PIK3C2G: variants seen among roughly 807,000 people sequenced by gnomAD.
PIK3C2G encodes phosphatidylinositol 3-kinase C2 domain-containing subunit gamma.
PIK3C2G carries 168 observed loss-of-function variants against 181.1 expected under a neutral mutation model. The ratio of observed to expected loss-of-function variants is 0.93; its 90% CI spans 0.82 to 1.05. The LOEUF is 1.05. Ranked by LOEUF, PIK3C2G falls within the 50% of genes least tolerant of loss-of-function variation. The probability of loss-of-function intolerance (pLI) is 0.00; values close to 1 mark genes in which losing one functional copy is unlikely to be tolerated. For missense variants in PIK3C2G, 1,869 were observed against 1,732.8 expected (o/e 1.08, Z -1.40); for synonymous variants, 573 against 592.2 (o/e 0.97, Z 0.47).
chr12:18,671,138 G>A, the PIK3C2G span, among the ~76,000 whole-genome samples: 4 of 147,000 alleles, frequency 2.7e-5, no homozygotes, highest in African/African-American at 7.6e-5. Context: ...GCAGTGAGCC[G>A]AAATCAGGCC....
intron 11 of PIK3C2G, among the ~76,000 whole-genome samples, chr12:18,354,282 AG>A (rs1242950923): frequency 1.3e-5 from 2 of 152,210 alleles, no homozygotes; most frequent in African/African-American, 4.8e-5. Flanking sequence ...CAAATTCAAC[AG>A]GCATCTGTTG....
chr12:18,338,431 C>T lies in PIK3C2G; in HGVS notation c.1278C>T (p.Asn426=), dbSNP rs17847784. 2.7e-4 allele frequency: 424 copies of T among 1,556,694 alleles called. 3 individuals carry two copies. The highest frequency in any genetic ancestry group is 5.8e-5 in the Non-Finnish European group (66 of 1,135,506). The change falls in exon 9 of 33, where the codon AAC becomes AAT. Residue 426 remains asparagine, a synonymous_variant. Transcript: ENST00000538779. The part of the protein sequence containing the change: ...HLKYLLKTQE[N]VYNIIEEVKK... ...GTGAATCTTGTTATCTACAGGAAAA[C>T]GTGTATAATATTATTGAAGAAGTTA...
intron 26 of PIK3C2G, among the ~76,000 whole-genome samples, chr12:18,547,317 G>C (rs1464223040): frequency 6.6e-6 from 1 of 151,948 alleles, no homozygotes; most frequent in Non-Finnish European, 1.5e-5. Context: ...TGGCAGTGCG[G>C]CTTCATGGGG....
At chr12:18,631,405 T>C (rs1450957036) in intron 31 of PIK3C2G, among the ~76,000 whole-genome samples, 3 of 152,162 alleles carry the variant, frequency 2.0e-5, no homozygotes, top group South Asian at 4.1e-4. Flanking sequence ...AACTTAGAAA[T>C]AGAAGCCCAA....
chr12:18,549,191 CTTAAT>C (rs1944599488), intron 26 of PIK3C2G, among the ~76,000 whole-genome samples: 1 of 151,912 alleles, frequency 6.6e-6, no homozygotes, highest in African/African-American at 2.4e-5. Flanking sequence ...TTGTGCTGTC[CTTAAT>C]TTATTACTGA....
At chr12:18,618,542 A>T in intron 31 of PIK3C2G, among the ~76,000 whole-genome samples, 1 of 152,194 alleles carries the variant, frequency 6.6e-6, no homozygotes. Flanking sequence ...TCCACAACAT[A>T]ACATTAAAAA....
At chr12:18,484,577 G>C (rs1165682141) in intron 18 of PIK3C2G, among the ~76,000 whole-genome samples, 1 of 152,122 alleles carries the variant, frequency 6.6e-6, no homozygotes, top group Non-Finnish European at 1.5e-5. Flanking sequence ...CCCATATAAT[G>C]CTCTTTATAT....
chr12:18,490,912 T>A (rs1479470374), intron 19 of PIK3C2G, among the ~76,000 whole-genome samples: 2 of 152,300 alleles, frequency 1.3e-5, no homozygotes, highest in East Asian at 3.9e-4. Context: ...AGAAATATAC[T>A]CATTGATGTC....
At chr12:18,723,389 T>C in the PIK3C2G span, 1 of 1,613,018 alleles carries the variant, frequency 6.2e-7, no homozygotes, top group Non-Finnish European at 8.5e-7. Context: ...TGTTCTTGTG[T>C]CAGAAATTGA....
At chr12:18,284,740 AAGT>A (rs1949369859) in intron 2 of PIK3C2G, among the ~76,000 whole-genome samples, 1 of 152,150 alleles carries the variant, frequency 6.6e-6, no homozygotes, top group African/African-American at 2.4e-5. Context: ...GGCAATAAAA[AAGT>A]AACTGGATGT....
intron 9 of PIK3C2G, among the ~76,000 whole-genome samples, chr12:18,341,979 A>G (rs1355278281): frequency 1.3e-5 from 2 of 152,116 alleles, no homozygotes; most frequent in Non-Finnish European, 2.9e-5. Flanking sequence ...CTGACCCAGC[A>G]CTGGAAACAA....
At chr12:18,472,550 G>A (rs376093686) in intron 18 of PIK3C2G, among the ~76,000 whole-genome samples, 13 of 152,194 alleles carry the variant, frequency 8.5e-5, no homozygotes, top group African/African-American at 2.6e-4. Flanking sequence ...TAGTCACTTC[G>A]CTGTATTGTC....
At chr12:18,637,764 G>T (rs1436418622) in intron 31 of PIK3C2G, among the ~76,000 whole-genome samples, 2 of 152,196 alleles carry the variant, frequency 1.3e-5, no homozygotes, top group Non-Finnish European at 2.9e-5. Flanking sequence ...GTTGAAAATT[G>T]TGTCTTTTGA....
chr12:18,394,147 C>T (rs1943716132), intron 15 of PIK3C2G, among the ~76,000 whole-genome samples: 1 of 151,980 alleles, frequency 6.6e-6, no homozygotes, highest in African/African-American at 2.4e-5. Context: ...ACAGGCTGTC[C>T]CTTACATTTA....
At chr12:18,491,346 C>T (rs547989464) in intron 19 of PIK3C2G, 105 bp from the exon 20 acceptor site, 1 of 647,226 alleles carries the variant, frequency 1.5e-6, no homozygotes, top group Non-Finnish European at 2.7e-6. Flanking sequence ...AGTGTGTAAC[C>T]CTGAATTCAA....
the PIK3C2G span, among the ~76,000 whole-genome samples, chr12:18,720,747 GACTC>G: frequency 6.6e-6 from 1 of 151,988 alleles, no homozygotes; most frequent in Non-Finnish European, 1.5e-5. Flanking sequence ...TGGAAGTAGA[GACTC>G]AGACAGTGAT....
intron 8 of PIK3C2G, among the ~76,000 whole-genome samples, chr12:18,329,742 G>A (rs937438682): frequency 6.6e-6 from 1 of 151,930 alleles, no homozygotes; most frequent in Non-Finnish European, 1.5e-5. Flanking sequence ...GATTTACAAG[G>A]CAACACCAAA....
chr12:18,404,866 C>T (rs997233084), intron 16 of PIK3C2G, among the ~76,000 whole-genome samples: 14 of 151,456 alleles, frequency 9.2e-5, no homozygotes, highest in African/African-American at 3.4e-4. Context: ...GTATAAAGAA[C>T]AGATTGAAAA....
intron 13 of PIK3C2G, among the ~76,000 whole-genome samples, chr12:18,378,718 C>A (rs1942629971): frequency 6.6e-6 from 1 of 152,190 alleles, no homozygotes; most frequent in Non-Finnish European, 1.5e-5. Flanking sequence ...TGAACAGACA[C>A]TTCTCAAAAG....
Sources: allele counts gnomAD v4.1 joint callset (sites outside exome capture counted in the v4.1 genomes callset), GRCh38; gene constraint gnomAD v4.1.1; transcripts MANE v1.5; gene names NCBI Gene and HGNC (gene_info 2026-07-23, HGNC 2026-07-21).